The following ARHGEF10L variants were observed in gnomAD, a reference collection of about 807,000 sequenced individuals.
ARHGEF10L encodes the protein rho guanine nucleotide exchange factor 10-like protein.
Under a neutral mutation model 141.2 loss-of-function variants are expected in ARHGEF10L, and 69 were observed. The observed-to-expected ratio is 0.49, with a 90% CI of 0.40 to 0.60. ARHGEF10L has a LOEUF of 0.60. ARHGEF10L is among the 20% of genes least tolerant of loss of function. The probability of loss-of-function intolerance (pLI) is 0.00; values close to 1 mark genes in which losing one functional copy is unlikely to be tolerated. For synonymous variants in ARHGEF10L, 711 were observed against 718.5 expected (o/e 0.99, Z 0.17); for missense variants, 1,482 against 1,734.3 (o/e 0.85, Z 2.58).
At chr1:17,690,599 C>G (rs192859582) in intron 27 of ARHGEF10L, among the ~76,000 whole-genome samples, 1 of 152,372 alleles carries the variant, frequency 6.6e-6, no homozygotes, top group East Asian at 1.9e-4. Context: ...CTCCCTGAGG[C>G]TGAACCCTGG....
chr1:17,666,113 A>G (rs2062962595), intron 26 of ARHGEF10L, among the ~76,000 whole-genome samples: 2 of 152,208 alleles, frequency 1.3e-5, no homozygotes, highest in African/African-American at 4.8e-5. Context: ...TGGGAAGGCC[A>G]TGTGCATGAC....
chr1:17,585,368 G>A (rs2078937923), intron 2 of ARHGEF10L, among the ~76,000 whole-genome samples: 1 of 152,178 alleles, frequency 6.6e-6, no homozygotes, highest in African/African-American at 2.4e-5. Flanking sequence ...GTAAATGGAG[G>A]TGATCCTGAG....
At chr1:17,579,926 C>T (rs539135913) in intron 1 of ARHGEF10L, among the ~76,000 whole-genome samples, 3 of 152,332 alleles carry the variant, frequency 2.0e-5, no homozygotes, top group Admixed American at 6.5e-5. Flanking sequence ...AGGAACTGTG[C>T]CCCCACGCTG....
Position 17,640,250 on chromosome 1 carries a change from C to T in ARHGEF10L, c.2220C>T (p.Pro740=), listed in dbSNP as rs780008683. Residue 740 remains proline (P), a synonymous_variant, in exon 21 of 29, where the codon CCC becomes CCT. Transcript: ENST00000361221. ...TGGTGGTTTTCATCACCCCCAACCC[C>T]CTGAGCAAGATTTCCTGGGTCAACA... ...SFMVVFITPN[P]LSKISWVNRL... 3.1e-6 allele frequency: 5 copies of T among 1,613,298 alleles called. No individual in the cohort carries two copies. In the Admixed American group the frequency reaches 5.0e-5, roughly 16 times the overall value.
chr1:17,578,532 A>T (rs12028851), intron 1 of ARHGEF10L, among the ~76,000 whole-genome samples: 2 of 94,314 alleles, frequency 2.1e-5, no homozygotes, highest in Admixed American at 2.6e-4. Context: ...AAAAAATTTT[A>T]AAAAATTAGC....
At chr1:17,529,064 C>A in the ARHGEF10L span, among the ~76,000 whole-genome samples, 3 of 152,036 alleles carry the variant, frequency 2.0e-5, no homozygotes, top group Middle Eastern at 3.2e-3. Flanking sequence ...AGTACAGTGG[C>A]GTGATCTTGG....
Position 17,638,656 on chromosome 1 carries a change from G to A in ARHGEF10L, c.2138G>A (p.Arg713His), listed in dbSNP as rs1184969232. 3 of 1,614,136 alleles carry A rather than the reference G, an allele frequency of 1.9e-6. No homozygotes were observed. The highest frequency in any genetic ancestry group is 1.7e-5 in the Admixed American group (1 of 60,026). Residue 713 changes from arginine (R) to histidine (H), a missense_variant, in exon 20 of 29, where the codon CGT (arginine) becomes CAT (histidine). By Grantham distance (29) the Arg-to-His change is conservative. Transcript: ENST00000361221. ...GAGATCCACTCGGCCAACAAGTGCC[G>A]TCTCAGGCTCCTGCTTCCTGGGAAA... The part of the protein sequence containing the change: ...EEEIHSANKC[R>H]LRLLLPGKPD...
chr1:17,695,144 C>G lies in ARHGEF10L; in HGVS notation c.3185-14C>G. On this transcript the variant is annotated splice_polypyrimidine_tract_variant and intron_variant, in intron 27 of 28. Coordinates refer to ENST00000361221, the MANE Select transcript of ARHGEF10L (RefSeq NM_018125.4). ...CCCAGGAGGGCACTGCTCAGCCGCC[C>G]TCTCTTTCTGCAGGCCAGAAGCACT... 2.5e-6 allele frequency: 4 copies of G among 1,612,492 alleles called. No homozygotes were observed. The highest frequency in any genetic ancestry group is 2.5e-6 in the Non-Finnish European group (3 of 1,179,968).
intron 7 of ARHGEF10L, among the ~76,000 whole-genome samples, chr1:17,610,358 GCTCGTGTCCCTCACA>G (rs1452447632): frequency 6.6e-6 from 1 of 152,240 alleles, no homozygotes; most frequent in African/African-American, 2.4e-5. Context: ...CTGCCTGTGA[GCTCGTGTCCCTCACA>G]CTCTCAGGCT....
intron 27 of ARHGEF10L, among the ~76,000 whole-genome samples, chr1:17,688,418 GCCCATCCTCA>G (rs1485475987): frequency 1.3e-5 from 2 of 152,212 alleles, no homozygotes; most frequent in Non-Finnish European, 2.9e-5. Flanking sequence ...CAGGCACCAT[GCCCATCCTCA>G]CCCCAGCTGG....
Position 17,619,361 on chromosome 1 carries a change from G to A in ARHGEF10L, c.858G>A (p.Met286Ile), listed in dbSNP as rs1376733625. Residue 286 changes from methionine to isoleucine, a missense_variant, in exon 10 of 29, where the codon ATG becomes ATA. Physicochemically the swap from Met to Ile is conservative, Grantham distance 10 (BLOSUM62 1). Transcript: ENST00000361221. The surrounding 1 kb of genome is among the most constrained non-coding windows in gnomAD (Gnocchi z 5.0). Reference sequence around the variant, plus strand: ...CAGGTGACTCGGAGGAGGAGGACATGGGGCTCCTGGAGGTCAGCGTTTCGG... The same window carrying A: ...CAGGTGACTCGGAGGAGGAGGACATAGGGCTCCTGGAGGTCAGCGTTTCGG... ...DVLGDSEEEDMGLLEVSVSDI... is the reference protein window; with the variant it reads ...DVLGDSEEEDIGLLEVSVSDI... 1 of 1,613,342 alleles carries A rather than the reference G, an allele frequency of 6.2e-7. No individual in the cohort carries two copies.
intron 27 of ARHGEF10L, among the ~76,000 whole-genome samples, chr1:17,690,823 G>C (rs1052981062): frequency 1.3e-5 from 2 of 152,200 alleles, no homozygotes; most frequent in Non-Finnish European, 2.9e-5. Flanking sequence ...AGAGCGTGGG[G>C]GGCAGCTGCA....
intron 4 of ARHGEF10L, among the ~76,000 whole-genome samples, chr1:17,596,048 T>TC (rs2080064040): frequency 6.6e-6 from 1 of 152,024 alleles, no homozygotes; most frequent in Non-Finnish European, 1.5e-5. Flanking sequence ...GCTTACTTCT[T>TC]CCCCCCTCAC....
In ARHGEF10L at chr1:17,623,023, G is replaced by A. The variant is rs373678458; in HGVS notation, c.1048G>A (p.Glu350Lys). Residue 350 changes from glutamate (E) to lysine (K), a missense_variant, in exon 12 of 29, where the codon GAG becomes AAG. Physicochemically the swap from Glu to Lys is moderately conservative, Grantham distance 56. This residue lies in a region of ARHGEF10L where 392 missense variants were observed against 542.1 expected (regional missense o/e 0.72). Transcript: ENST00000361221. The surrounding 1 kb of genome is among the most constrained non-coding windows in gnomAD (Gnocchi z 4.7). ...CTACCGCAACCCCCTGATGGAGATG[G>A]AGCCCAAGGCGCTGAGCGCCCGCAA... ...QDYRNPLMEMEPKALSARKCQ... is the reference protein window; with the variant it reads ...QDYRNPLMEMKPKALSARKCQ... The A allele has an allele frequency of 6.2e-7, 1 of 1,613,636 alleles. No homozygotes were observed. The highest frequency in any genetic ancestry group is 1.3e-5 in the African/African-American group (1 of 74,942).
rs1016845197 is a variant in ARHGEF10L at position 17,644,922 on chromosome 1, T to A, written c.2273-3632T>A. On this transcript the variant is annotated intron_variant, in intron 21 of 28. Coordinates refer to ENST00000361221, the MANE Select transcript of ARHGEF10L (RefSeq NM_018125.4). This position sits in a 1 kb window ranked among gnomAD's most constrained non-coding sequence, Gnocchi z 4.5. ...GGTTGGCGTTCCTTCCCCCATTTTC[T>A]ACATGAGGCCACAGGCTCAGAGAGG... 6.6e-6 allele frequency among the ~76,000 whole-genome samples: 1 copy of A among 152,170 alleles called. No homozygotes were observed. Among genetic ancestry groups the A allele is most frequent in the African/African-American group, 2.4e-5 (1 of 41,450 alleles).
At chr1:17,659,729 T>C (rs1472438583) in intron 25 of ARHGEF10L, among the ~76,000 whole-genome samples, 2 of 152,258 alleles carry the variant, frequency 1.3e-5, no homozygotes, top group Non-Finnish European at 2.9e-5. Context: ...ACATGTTCAC[T>C]GTCCTGCCGG....
chr1:17,649,766 G>T (rs1170170970), intron 22 of ARHGEF10L, among the ~76,000 whole-genome samples: 1 of 152,228 alleles, frequency 6.6e-6, no homozygotes, highest in Admixed American at 6.5e-5. Flanking sequence ...GAGGTTCAGA[G>T]ATGGCCTCTT....
intron 22 of ARHGEF10L, among the ~76,000 whole-genome samples, chr1:17,652,478 G>T (rs1483286134): frequency 6.6e-6 from 1 of 152,198 alleles, no homozygotes; most frequent in East Asian, 1.9e-4. Context: ...GAGGATTAAA[G>T]GATATGATTT....
intron 2 of ARHGEF10L, among the ~76,000 whole-genome samples, chr1:17,582,323 T>C (rs1209542510): frequency 6.6e-6 from 1 of 152,214 alleles, no homozygotes; most frequent in Admixed American, 6.5e-5. Context: ...AAAAAATTTA[T>C]GACTAAGTCA....
Sources: allele counts gnomAD v4.1 joint callset (sites outside exome capture counted in the v4.1 genomes callset), GRCh38; gene constraint gnomAD v4.1.1; regional missense constraint gnomAD v4.1.1; non-coding constraint Gnocchi (gnomAD v3.1); transcripts MANE v1.5; gene names NCBI Gene and HGNC (gene_info 2026-07-23, HGNC 2026-07-21).